Variants in CAMK1D observed in about 807,000 individuals in gnomAD.
The protein encoded by CAMK1D is calcium/calmodulin dependent protein kinase ID.
CAMK1D carries 9 observed loss-of-function variants against 47.7 expected under a neutral mutation model. The observed-to-expected ratio is 0.19, with a 90% confidence interval of 0.11 to 0.33. The LOEUF (loss-of-function observed/expected upper bound fraction) is 0.33, where lower values mean the gene tolerates loss of function less well. Among genes scored for constraint, CAMK1D ranks in the 10% least tolerant of loss-of-function variants. The pLI, the probability that CAMK1D is intolerant of heterozygous loss-of-function variation, is 1.00. For missense variants in CAMK1D, 291 were observed against 488.7 expected, an observed-to-expected ratio of 0.60 and a Z score of 3.81; for synonymous variants, 184 against 184.9, an observed-to-expected ratio of 0.99 and a Z score of 0.04.
intron 2 of CAMK1D, among the ~76,000 whole-genome samples, chr10:12,555,245 A>T (rs1833278586): frequency 1.3e-5 from 2 of 152,188 alleles, no homozygotes; most frequent in Admixed American, 1.3e-4. Context: ...AGCAGTGTCC[A>T]CCCAACGATG....
At chr10:12,387,875 A>G (rs2131884777) in intron 1 of CAMK1D, among the ~76,000 whole-genome samples, 1 of 152,276 alleles carries the variant, frequency 6.6e-6, no homozygotes, top group East Asian at 1.9e-4. Context: ...TATTTTATTC[A>G]TTGTGAAAGA....
intron 6 of CAMK1D, among the ~76,000 whole-genome samples, chr10:12,801,195 T>A (rs572649929): frequency 2.0e-5 from 3 of 152,236 alleles, no homozygotes; most frequent in East Asian, 1.9e-4. Flanking sequence ...ACTATGTCAC[T>A]GGAACTTTCA....
rs150439312 is a variant in CAMK1D, at chr10:12,359,266, C to T, written c.92+9356C>T. Among the ~76,000 whole-genome samples the T allele has an allele frequency of 5.9e-5, 9 of 152,278 alleles. No homozygotes were observed. In the East Asian group the frequency reaches 1.4e-3, roughly 23 times the overall value. ...AGGGTGCACGGGAACCACTGAGAGC[C>T]GTGTGTGGCACGTGGGTGTGTGTGC... is the stretch of plus-strand genomic sequence containing the variant. On this transcript the variant is annotated intron_variant, in intron 1 of 10. Coordinates refer to ENST00000619168, the MANE Select transcript of CAMK1D (RefSeq NM_153498.4).
At chr10:12,621,332 G>C (rs1054002590) in intron 2 of CAMK1D, among the ~76,000 whole-genome samples, 3 of 152,136 alleles carry the variant, frequency 2.0e-5, no homozygotes, top group African/African-American at 7.2e-5. Context: ...GTTAGGCATT[G>C]TGCTAAACCT....
At chr10:12,364,963 CT>C (rs112350234) in intron 1 of CAMK1D, among the ~76,000 whole-genome samples, 297 of 143,940 alleles carry the variant, frequency 2.1e-3, no homozygotes, top group Admixed American at 2.2e-3. Context: ...CTCTCTGATT[CT>C]TTTTTTTTTT....
intron 1 of CAMK1D, among the ~76,000 whole-genome samples, chr10:12,401,663 A>G (rs1043929041): frequency 1.3e-5 from 2 of 151,790 alleles, no homozygotes; most frequent in Non-Finnish European, 2.9e-5. Flanking sequence ...GACTCAGGGA[A>G]GGCTTCACAG....
chr10:12,722,446 CAAAAAAAAAAAA>C (rs55809900), intron 3 of CAMK1D, among the ~76,000 whole-genome samples: 51 of 48,626 alleles, frequency 1.0e-3, no homozygotes, highest in Middle Eastern at 0.028. Flanking sequence ...GACTCCGCCT[CAAAAAAAAAAAA>C]AAAAAAAAAA....
intron 1 of CAMK1D, among the ~76,000 whole-genome samples, chr10:12,496,667 A>G (rs1050964177): frequency 1.6e-4 from 24 of 152,286 alleles, no homozygotes; most frequent in African/African-American, 5.3e-4. Context: ...GACAATACCA[A>G]ATTTTCGTTA....
chr10:12,673,506 A>G (rs1417040572), intron 3 of CAMK1D, among the ~76,000 whole-genome samples: 1 of 152,168 alleles, frequency 6.6e-6, no homozygotes, highest in Non-Finnish European at 1.5e-5. Context: ...TGCTAAACTC[A>G]CTTACTAGTT....
At chr10:12,465,511 C>T (rs1342971569) in intron 1 of CAMK1D, among the ~76,000 whole-genome samples, 8 of 152,230 alleles carry the variant, frequency 5.3e-5, no homozygotes, top group South Asian at 2.1e-4. Flanking sequence ...CCCACCACCA[C>T]GCCTATCTAA....
At chr10:12,624,479 C>T (rs74582160) in intron 2 of CAMK1D, among the ~76,000 whole-genome samples, 1,643 of 152,268 alleles carry the variant, frequency 0.011, 36 homozygotes, top group African/African-American at 0.037. Flanking sequence ...AGATACCCTG[C>T]GTAAGTGGAG....
chr10:12,355,506 T>G (rs1837483843), intron 1 of CAMK1D, among the ~76,000 whole-genome samples: 1 of 151,754 alleles, frequency 6.6e-6, no homozygotes, highest in South Asian at 2.1e-4. Context: ...GTGTGTGTGG[T>G]GGGGGAGAGA....
chr10:12,747,039 G>GTTTT (rs141795411), intron 3 of CAMK1D, among the ~76,000 whole-genome samples: 32,050 of 151,400 alleles, frequency 0.21, 3,450 homozygotes, highest in African/African-American at 0.26. Flanking sequence ...TTGTTTGTTT[G>GTTTT]TTTGTCTTTT....
intron 5 of CAMK1D, among the ~76,000 whole-genome samples, chr10:12,782,981 GTT>G (rs869155068): frequency 3.7e-5 from 5 of 134,852 alleles, no homozygotes; most frequent in East Asian, 5.5e-4. Context: ...AGTATTTTCA[GTT>G]TTTTTTTTTT....
At chr10:12,608,992 T>A (rs999783379) in intron 2 of CAMK1D, among the ~76,000 whole-genome samples, 1 of 152,244 alleles carries the variant, frequency 6.6e-6, no homozygotes, top group African/African-American at 2.4e-5. Context: ...CAGTAGCAGC[T>A]GTTTGTCACT....
intron 3 of CAMK1D, among the ~76,000 whole-genome samples, chr10:12,672,546 T>C (rs1305547106): frequency 6.6e-6 from 1 of 151,846 alleles, no homozygotes; most frequent in Non-Finnish European, 1.5e-5. Flanking sequence ...TTTTTTTGTA[T>C]TTTTCGTAGA....
chr10:12,423,332 A>T (rs1840120959), intron 1 of CAMK1D, among the ~76,000 whole-genome samples: 1 of 152,104 alleles, frequency 6.6e-6, no homozygotes, highest in Admixed American at 6.5e-5. Context: ...TGGGCAACAA[A>T]GTGAGACCCC....
intron 1 of CAMK1D, among the ~76,000 whole-genome samples, chr10:12,359,939 C>T (rs1470286059): frequency 2.0e-5 from 3 of 152,126 alleles, no homozygotes; most frequent in African/African-American, 7.2e-5. Context: ...ATCTCAAAAA[C>T]TTTAAATGTC....
chr10:12,505,446 A>C (rs1342477297), intron 1 of CAMK1D, among the ~76,000 whole-genome samples: 1 of 152,176 alleles, frequency 6.6e-6, no homozygotes, highest in African/African-American at 2.4e-5. Context: ...TCTCAAAGGA[A>C]GATCAAAAGC....
Sources: gnomAD v4.1 joint callset for allele counts (sites outside exome capture counted in the v4.1 genomes callset) on GRCh38, gnomAD v4.1.1 for gene constraint, MANE v1.5 for transcripts, NCBI Gene and HGNC (gene_info 2026-07-23, HGNC 2026-07-21) for gene names.